Variants in CORO2B observed in about 807,000 individuals in gnomAD.
CORO2B encodes coronin 2B.
In CORO2B, 26 loss-of-function variants were observed where a neutral mutation model predicts 58.8. The ratio of observed to expected loss-of-function variants is 0.44; its 90% CI spans 0.32 to 0.61. The LOEUF (loss-of-function observed/expected upper bound fraction) is 0.61, where lower values mean the gene tolerates loss of function less well. Ranked by LOEUF, CORO2B falls within the 20% of genes least tolerant of loss-of-function variation. CORO2B has a pLI of 0.04. For synonymous variants in CORO2B, 242 were observed against 253.8 expected (o/e 0.95, Z 0.44); for missense variants, 460 against 645.1 (o/e 0.71, Z 3.11).
rs191399646 is a variant in CORO2B at position 68,579,485 on chromosome 15, C to T, written c.15+208C>T. On this transcript the variant is annotated intron_variant, in intron 1 of 11. Transcript: ENST00000261861. ...AGGGGGAGGATGCCGCTCTGGCAGC[C>T]CCGGCGGTTTGGCCAACATCCCTCC... Among the ~76,000 whole-genome samples, 658 of 152,052 alleles carry T rather than the reference C, an allele frequency of 4.3e-3. 9 individuals carry two copies. The highest frequency in any genetic ancestry group is 0.015 in the African/African-American group (636 of 41,520).
upstream of CORO2B, among the ~76,000 whole-genome samples, chr15:68,577,823 C>T (rs1348700082): frequency 3.3e-5 from 5 of 152,118 alleles, no homozygotes; most frequent in African/African-American, 1.2e-4. Flanking sequence ...CACTGGTCTC[C>T]CGGAAGGCAG....
chr15:68,686,118 A>G (rs758272600), intron 2 of CORO2B, among the ~76,000 whole-genome samples: 3 of 147,434 alleles, frequency 2.0e-5, no homozygotes, highest in Non-Finnish European at 4.5e-5. Context: ...GCTCATTGCA[A>G]CCTTCACCTC....
the CORO2B span, among the ~76,000 whole-genome samples, chr15:68,566,430 G>C: frequency 6.6e-6 from 1 of 152,128 alleles, no homozygotes; most frequent in Non-Finnish European, 1.5e-5. Flanking sequence ...TATCCTCTCT[G>C]AAGGAACTCC....
At chr15:68,719,011 A>C in intron 9 of CORO2B, 133 bp from the exon 10 acceptor site, 2 of 864,712 alleles carry the variant, frequency 2.3e-6, no homozygotes, top group Non-Finnish European at 3.8e-6. Flanking sequence ...TCCAGGAGGG[A>C]GACACAGTGC....
At position 68,695,255 on chromosome 15, in the gene CORO2B, C is replaced by T. The variant is rs149965980; in HGVS notation, c.332C>T (p.Ser111Leu). The change falls in exon 3 of 12, where the codon TCG becomes TTG. Residue 111 changes from serine (S) to leucine (L), a missense_variant and splice_region_variant. Physicochemically the swap from Ser to Leu is moderately radical, Grantham distance 145. Transcript: ENST00000261861. Reference sequence around the variant, plus strand: ...ATTGCCTCGTGCTCGGAGGACACGTCGGTGAGCAGAGGGGTGCTCCCGGAG... The same window carrying T: ...ATTGCCTCGTGCTCGGAGGACACGTTGGTGAGCAGAGGGGTGCTCCCGGAG... The part of the protein sequence containing the change: ...NIIASCSEDT[S>L]VRIWEIPEGG... The T allele has an allele frequency of 3.7e-5, 59 of 1,612,234 alleles. No homozygotes were observed. Among genetic ancestry groups the T allele is most frequent in the Non-Finnish European group, 1.4e-5 (16 of 1,178,672 alleles).
intron 1 of CORO2B, among the ~76,000 whole-genome samples, chr15:68,640,824 TAGAA>T (rs1901192557): frequency 6.6e-6 from 1 of 152,008 alleles, no homozygotes; most frequent in Admixed American, 6.5e-5. Context: ...TCCACAGAAG[TAGAA>T]AGAAAGAGAA....
chr15:68,725,146 A>G (rs1893261494), intron 11 of CORO2B, among the ~76,000 whole-genome samples: 1 of 152,152 alleles, frequency 6.6e-6, no homozygotes, highest in Non-Finnish European at 1.5e-5. Context: ...AGGTGGGTGG[A>G]TCTCTTGAGG....
upstream of CORO2B, among the ~76,000 whole-genome samples, chr15:68,577,134 A>C (rs749160410): frequency 1.3e-5 from 2 of 152,184 alleles, no homozygotes; most frequent in Non-Finnish European, 2.9e-5. Flanking sequence ...TCTGCTACCC[A>C]AGAGATTTAG....
intron 1 of CORO2B, among the ~76,000 whole-genome samples, chr15:68,621,365 A>G (rs1014088465): frequency 2.6e-5 from 4 of 152,220 alleles, no homozygotes; most frequent in Non-Finnish European, 5.9e-5. Flanking sequence ...AGCACGATGC[A>G]GGGAGTGCTG....
At chr15:68,708,906 C>T in intron 3 of CORO2B, among the ~76,000 whole-genome samples, 1 of 152,170 alleles carries the variant, frequency 6.6e-6, no homozygotes, top group East Asian at 1.9e-4. Context: ...GTCTTGAGCT[C>T]CTGGGCTCAC....
chr15:68,686,833 A>G (rs1009161352), intron 2 of CORO2B, among the ~76,000 whole-genome samples: 1 of 151,864 alleles, frequency 6.6e-6, no homozygotes, highest in African/African-American at 2.4e-5. Flanking sequence ...CAGGCGGCGG[A>G]GGTCACCGTG....
intron 1 of CORO2B, among the ~76,000 whole-genome samples, chr15:68,597,934 G>T (rs1473292294): frequency 6.6e-6 from 1 of 152,228 alleles, no homozygotes. Flanking sequence ...AGGATGCAGG[G>T]TGACGTTTTG....
chr15:68,600,285 C>T (rs1386989789), intron 1 of CORO2B, among the ~76,000 whole-genome samples: 1 of 152,194 alleles, frequency 6.6e-6, no homozygotes, highest in South Asian at 2.1e-4. Context: ...TCCAGTGTCA[C>T]CTCCTCCAGG....
At chr15:68,519,829 A>G in the CORO2B span, among the ~76,000 whole-genome samples, 134 of 152,356 alleles carry the variant, frequency 8.8e-4, no homozygotes, top group African/African-American at 3.2e-3. Context: ...CTCTCTAAGC[A>G]TAGCAAGCAT....
At chr15:68,650,159 A>T (rs747685732) in intron 2 of CORO2B, among the ~76,000 whole-genome samples, 3 of 152,162 alleles carry the variant, frequency 2.0e-5, no homozygotes, top group Non-Finnish European at 4.4e-5. Context: ...ACCCGAGGTC[A>T]GGAGTTCAAG....
chr15:68,633,380 C>G (rs1254054191), intron 1 of CORO2B, among the ~76,000 whole-genome samples: 2 of 151,964 alleles, frequency 1.3e-5, no homozygotes, highest in African/African-American at 4.8e-5. Flanking sequence ...TGTTTTCAAA[C>G]AAAAACCCAT....
In CORO2B at chr15:68,718,689, CT is replaced by C; in HGVS notation, c.968-8del. 3.1e-6 allele frequency: 5 copies of C among 1,611,874 alleles called. No homozygotes were observed. Among genetic ancestry groups the C allele is most frequent in the Non-Finnish European group, 4.2e-6 (5 of 1,178,146 alleles). On this transcript the variant is annotated splice_polypyrimidine_tract_variant and splice_region_variant and intron_variant, in intron 8 of 11. Coordinates refer to ENST00000261861, the MANE Select transcript of CORO2B (RefSeq NM_006091.5). ...GGACCCCATGGAGCCACATGTGTGC[CT>C]GTTACAGGGGTCATGCCCAAGCACG... is the stretch of plus-strand genomic sequence containing the variant.
At chr15:68,603,317 A>C (rs527674559) in intron 1 of CORO2B, among the ~76,000 whole-genome samples, 2 of 152,338 alleles carry the variant, frequency 1.3e-5, no homozygotes, top group South Asian at 4.1e-4. Context: ...GAGGGTATGC[A>C]CAGATGAGCG....
intron 1 of CORO2B, among the ~76,000 whole-genome samples, chr15:68,593,174 C>T (rs997829888): frequency 6.6e-6 from 1 of 152,154 alleles, no homozygotes; most frequent in Non-Finnish European, 1.5e-5. Context: ...GACTTAATCC[C>T]CTCTTAAAGG....
Sources: allele counts gnomAD v4.1 joint callset (sites outside exome capture counted in the v4.1 genomes callset), GRCh38; gene constraint gnomAD v4.1.1; transcripts MANE v1.5; gene names NCBI Gene and HGNC (gene_info 2026-07-23, HGNC 2026-07-21).